The following DNAH11 variants were observed in gnomAD, a reference collection of about 807,000 sequenced individuals.
The protein encoded by DNAH11 is axonemal beta dynein heavy chain 11.
Under a neutral mutation model 526.0 loss-of-function variants are expected in DNAH11, and 442 were observed. The observed-to-expected ratio is 0.84, with a 90% confidence interval of 0.78 to 0.91. The LOEUF is 0.91. Among genes scored for constraint, DNAH11 ranks in the 40% least tolerant of loss-of-function variants. The pLI, the probability that DNAH11 is intolerant of heterozygous loss-of-function variation, is 0.00. For synonymous variants in DNAH11, 2,461 were observed against 1,935.9 expected (o/e 1.27, Z -7.12); for missense variants, 6,989 against 5,448.7 (o/e 1.28, Z -8.90).
intron 45 of DNAH11, among the ~76,000 whole-genome samples, chr7:21,731,765 C>T (rs562284674): frequency 5.3e-5 from 8 of 152,146 alleles, no homozygotes; most frequent in African/African-American, 9.6e-5. Context: ...AATCTCATGC[C>T]GCCCCACTTT....
Position 21,604,887 on chromosome 7 carries a change from G to A in DNAH11, c.3649-1539G>A, listed in dbSNP as rs538462734. 1.5e-4 allele frequency among the ~76,000 whole-genome samples: 23 copies of A among 152,256 alleles called. No individual in the cohort carries two copies. In the East Asian group the frequency reaches 3.3e-3, roughly 22 times the overall value. On this transcript the variant is annotated intron_variant, in intron 18 of 81. Transcript: ENST00000409508. ...GTGAGACTCTGTCTGTACAGAGGGC[G>A]GATGCAGAGTTTTGATGAGAAGCCA...
chr7:21,876,745 G>GA (rs1476528681), intron 74 of DNAH11, among the ~76,000 whole-genome samples: 2 of 152,210 alleles, frequency 1.3e-5, no homozygotes, highest in Admixed American at 6.5e-5. Flanking sequence ...GATGGAAGAA[G>GA]AAACAAACAA....
In DNAH11 at chr7:21,750,031, T is replaced by C. The variant is rs563606990; in HGVS notation, c.8798-191T>C. Among the ~76,000 whole-genome samples the C allele has an allele frequency of 2.6e-5, 4 of 152,280 alleles. No homozygotes were observed. The South Asian group carries it at 6.2e-4, about 24-fold the overall frequency. ...TTCTTACACGTACGGGTGTAGAGGG[T>C]GTGTTCACCATGGCTCGTCTTCAAC... On this transcript the variant is annotated intron_variant, in intron 53 of 81. Coordinates refer to ENST00000409508, the MANE Select transcript of DNAH11 (RefSeq NM_001277115.2).
intron 81 of DNAH11, 67 bp downstream of exon 81, chr7:21,900,187 T>G: frequency 6.7e-7 from 1 of 1,481,546 alleles, no homozygotes; most frequent in Admixed American, 2.3e-5. Context: ...GTTTGTCCTC[T>G]GCTTACTGTT....
At chr7:21,854,197 A>C (rs563271998) in intron 67 of DNAH11, 118 bp from the exon 68 acceptor site, 7 of 1,002,296 alleles carry the variant, frequency 7.0e-6, no homozygotes, top group Admixed American at 3.2e-5. Context: ...GATGCCATGC[A>C]TGTTATCTAT....
intron 14 of DNAH11, among the ~76,000 whole-genome samples, chr7:21,595,330 G>A (rs1008709158): frequency 3.3e-5 from 5 of 152,116 alleles, no homozygotes; most frequent in Non-Finnish European, 4.4e-5. Context: ...TTGGGGGTTG[G>A]GATTTTCACA....
At chr7:21,768,618 C>A (rs981677340) in intron 55 of DNAH11, among the ~76,000 whole-genome samples, 8 of 152,202 alleles carry the variant, frequency 5.3e-5, no homozygotes, top group African/African-American at 9.7e-5. Flanking sequence ...AACTCCGTAT[C>A]ATCAGCTTTT....
chr7:21,871,162 A>C (rs562516031), intron 73 of DNAH11, among the ~76,000 whole-genome samples: 6 of 152,240 alleles, frequency 3.9e-5, no homozygotes, highest in South Asian at 2.1e-4. Context: ...TCGAAAGCCC[A>C]AATTCCAGAG....
chr7:21,852,732 C>T, intron 67 of DNAH11, 101 bp downstream of exon 67: 3 of 1,265,920 alleles, frequency 2.4e-6, no homozygotes, highest in Non-Finnish European at 3.2e-6. Context: ...TCTAAGAGGA[C>T]CAGCGTGTGG....
At chr7:21,805,684 G>A (rs547612992) in intron 62 of DNAH11, among the ~76,000 whole-genome samples, 3 of 152,248 alleles carry the variant, frequency 2.0e-5, no homozygotes, top group Admixed American at 2.0e-4. Flanking sequence ...GGAAAAGTAG[G>A]CCCTACCATG....
At chr7:21,712,472 A>G (rs1784499832) in intron 42 of DNAH11, among the ~76,000 whole-genome samples, 1 of 152,154 alleles carries the variant, frequency 6.6e-6, no homozygotes, top group South Asian at 2.1e-4. Flanking sequence ...CACAGCTGCT[A>G]CCCATTTATA....
At chr7:21,828,730 A>G (rs1790417646) in intron 65 of DNAH11, among the ~76,000 whole-genome samples, 1 of 143,034 alleles carries the variant, frequency 7.0e-6, no homozygotes, top group African/African-American at 2.6e-5. Flanking sequence ...GAAATAATCT[A>G]CTTATGACTT....
chr7:21,749,569 C>G, intron 52 of DNAH11, 109 bp from the exon 53 acceptor site: 1 of 1,430,902 alleles, frequency 7.0e-7, no homozygotes. Context: ...AAAGGCACCC[C>G]ACAGTGCTAT....
intron 67 of DNAH11, among the ~76,000 whole-genome samples, chr7:21,853,477 T>G (rs1782718505): frequency 6.6e-6 from 1 of 152,340 alleles, no homozygotes; most frequent in South Asian, 2.1e-4. Flanking sequence ...TAACTTAGCT[T>G]TGAAGTTAAC....
At chr7:21,776,443 G>A (rs895375530) in intron 56 of DNAH11, among the ~76,000 whole-genome samples, 5 of 152,192 alleles carry the variant, frequency 3.3e-5, no homozygotes, top group Non-Finnish European at 7.3e-5. Context: ...TATGGAGAGC[G>A]TAATGCCTGT....
Position 21,894,659 on chromosome 7 carries a change from C to A in DNAH11, c.12787C>A (p.Pro4263Thr). ...CTTGGATGACATTTTGGAGAAACTT[C>A]CAGAAGAGTTCAACATGGCAGAGAT... ...NVLDDILEKL[P>T]EEFNMAEIMQ... Residue 4263 changes from proline to threonine, a missense_variant, in exon 78 of 82, where the codon CCA becomes ACA. Pro to Thr is a conservative substitution (Grantham distance 38). Transcript: ENST00000409508. 1 of 1,613,884 alleles carries A rather than the reference C, an allele frequency of 6.2e-7. No homozygotes were observed. The highest frequency in any genetic ancestry group is 8.5e-7 in the Non-Finnish European group (1 of 1,179,860).
At chr7:21,628,557 T>C (rs1760668075) in intron 25 of DNAH11, among the ~76,000 whole-genome samples, 1 of 152,170 alleles carries the variant, frequency 6.6e-6, no homozygotes, top group Admixed American at 6.5e-5. Context: ...TCATATGGTT[T>C]TTCTTCTTGG....
intron 5 of DNAH11, among the ~76,000 whole-genome samples, chr7:21,562,277 TG>T (rs1162500855): frequency 3.3e-5 from 5 of 152,344 alleles, no homozygotes. Context: ...GGCCTTTACC[TG>T]CTGGCTCCAT....
intron 60 of DNAH11, 36 bp from the exon 61 acceptor site, chr7:21,789,205 T>C (rs772703925): frequency 2.1e-6 from 3 of 1,415,348 alleles, no homozygotes; most frequent in South Asian, 2.5e-5. Context: ...TGATTACTTA[T>C]CCTCTTTGTA....
Sources: gnomAD v4.1 joint callset for allele counts (sites outside exome capture counted in the v4.1 genomes callset) on GRCh38, gnomAD v4.1.1 for gene constraint, MANE v1.5 for transcripts, NCBI Gene and HGNC (gene_info 2026-07-23, HGNC 2026-07-21) for gene names.